AKT2: variants seen among roughly 807,000 people sequenced by gnomAD.
AKT2 encodes RAC-beta serine/threonine-protein kinase.
In AKT2, 16 loss-of-function variants were observed where a neutral mutation model predicts 58.6. The observed-to-expected ratio is 0.27, with a 90% confidence interval of 0.18 to 0.41. The LOEUF (loss-of-function observed/expected upper bound fraction) is 0.41, where lower values mean the gene tolerates loss of function less well. Ranked by LOEUF, AKT2 falls within the 10% of genes least tolerant of loss-of-function variation. The pLI, the probability that AKT2 is intolerant of heterozygous loss-of-function variation, is 1.00. For synonymous variants in AKT2, 253 were observed against 254.0 expected (o/e 1.00, Z 0.04); for missense variants, 438 against 661.0 (o/e 0.66, Z 3.70).
chr19:40,254,839 A>C (rs977303240), intron 4 of AKT2, among the ~76,000 whole-genome samples: 1 of 139,024 alleles, frequency 7.2e-6, no homozygotes, highest in South Asian at 2.2e-4. Flanking sequence ...TCCATTTCAG[A>C]AAAAAAAAAA....
At chr19:40,277,746 C>T (rs1477530523) in intron 1 of AKT2, among the ~76,000 whole-genome samples, 1 of 152,224 alleles carries the variant, frequency 6.6e-6, no homozygotes, top group African/African-American at 2.4e-5. Context: ...CCACCCAGTC[C>T]AGCTAGATCT....
Position 40,233,893 on chromosome 19 carries a change from G to A in AKT2, c.1425C>T (p.Tyr475=), listed in dbSNP as rs1400058582. The A allele has an allele frequency of 6.2e-7, 1 of 1,611,860 alleles. No homozygotes were observed. Among genetic ancestry groups the A allele is most frequent in the Non-Finnish European group, 8.5e-7 (1 of 1,179,934 alleles). ...DQRTHFPQFS[Y]SASIRE is the part of the protein sequence containing the mutation. ...CTGCTCACTCGCGGATGCTGGCCGAGTAGGAGAACTGGGGGAAGTGGGTCC... is the reference window on the plus strand; with the variant it reads ...CTGCTCACTCGCGGATGCTGGCCGAATAGGAGAACTGGGGGAAGTGGGTCC... Residue 475 remains tyrosine (Y), a synonymous_variant, in exon 14 of 14, where the codon TAC becomes TAT. Coordinates refer to ENST00000392038, the MANE Select transcript of AKT2 (RefSeq NM_001626.6). The surrounding 1 kb of genome is among the most constrained non-coding windows in gnomAD (Gnocchi z 4.3).
At chr19:40,254,178 TG>T (rs67885002) in intron 4 of AKT2, among the ~76,000 whole-genome samples, 55,449 of 151,846 alleles carry the variant, frequency 0.37, 12,415 homozygotes, top group South Asian at 0.59. Flanking sequence ...ATTACTAAAT[TG>T]ATCTTTTTAA....
intron 4 of AKT2, among the ~76,000 whole-genome samples, chr19:40,253,632 C>T (rs1019969853): frequency 3.9e-5 from 6 of 152,158 alleles, no homozygotes; most frequent in African/African-American, 1.2e-4. Flanking sequence ...TCTCAGACAT[C>T]GCCTAATAGA....
In AKT2 at chr19:40,231,356, C is replaced by CTT. The variant is rs1440699838; in HGVS notation, c.*2514_*2515dup. On this transcript the variant is annotated 3_prime_UTR_variant, in exon 14 of 14. Coordinates refer to ENST00000392038, the MANE Select transcript of AKT2 (RefSeq NM_001626.6). ...GGGACGAGATGGAAGAGTAAAAGGCCTTTCTTCATAGGCCTGCCTATTTTA... is the reference window on the plus strand; with the variant it reads ...GGGACGAGATGGAAGAGTAAAAGGCCTTTTTCTTCATAGGCCTGCCTATTTTA... 8.6e-6 allele frequency: 2 copies of CTT among 232,954 alleles called. No individual in the cohort carries two copies. Among genetic ancestry groups the CTT allele is most frequent in the Non-Finnish European group, 8.5e-6 (1 of 117,930 alleles). The allele number at this position is 232,954 out of a possible 1,614,324, so 14.4% of individuals were successfully genotyped here.
At position 40,236,403 on chromosome 19, in the gene AKT2, G is replaced by A. The variant is rs781040542; in HGVS notation, c.832-18C>T. On this transcript the variant is annotated intron_variant, in intron 9 of 13. Coordinates refer to ENST00000392038, the MANE Select transcript of AKT2 (RefSeq NM_001626.6). ...TTTTCCAGCTGTTGGAAAAGTCAAC[G>A]GATCTCAGGTGCATGCTCCCAAGGC... is the stretch of plus-strand genomic sequence containing the variant. 20 of 1,613,998 alleles carry A rather than the reference G, an allele frequency of 1.2e-5. No homozygotes were observed. The highest frequency in any genetic ancestry group is 2.2e-5 in the East Asian group (1 of 44,872).
intron 4 of AKT2, among the ~76,000 whole-genome samples, chr19:40,250,138 C>A (rs537977029): frequency 5.3e-5 from 8 of 152,288 alleles, no homozygotes; most frequent in African/African-American, 1.9e-4. Flanking sequence ...GGACACAGCA[C>A]GGACCTTGGA....
chr19:40,259,351 G>T (rs1045489223), intron 2 of AKT2, among the ~76,000 whole-genome samples: 3 of 152,084 alleles, frequency 2.0e-5, no homozygotes, highest in Non-Finnish European at 2.9e-5. Flanking sequence ...AAGAAACTGA[G>T]GCAACTGGAT....
intron 4 of AKT2, among the ~76,000 whole-genome samples, chr19:40,249,380 T>A (rs529952318): frequency 1.3e-5 from 2 of 152,154 alleles, no homozygotes; most frequent in African/African-American, 4.8e-5. Flanking sequence ...AGTGCCTTCA[T>A]GTTTACTTCC....
chr19:40,260,885 C>T (rs534269979), intron 2 of AKT2, among the ~76,000 whole-genome samples: 22 of 152,174 alleles, frequency 1.4e-4, no homozygotes, highest in African/African-American at 4.8e-4. Flanking sequence ...GAGGTTGAGG[C>T]TGCAGTGAGC....
At chr19:40,258,602 G>C (rs1162148829) in intron 2 of AKT2, among the ~76,000 whole-genome samples, 1 of 150,462 alleles carries the variant, frequency 6.6e-6, no homozygotes, top group South Asian at 2.1e-4. Context: ...AGAAATTGAA[G>C]CTATGATGGT....
chr19:40,271,568 A>G (rs2077217686), intron 1 of AKT2, among the ~76,000 whole-genome samples: 1 of 152,170 alleles, frequency 6.6e-6, no homozygotes, highest in Admixed American at 6.5e-5. Context: ...GCCACCAGCC[A>G]TTCACCACTC....
intron 1 of AKT2, chr19:40,268,485 C>G (rs184152900): frequency 1.0e-4 from 16 of 152,438 alleles, no homozygotes; most frequent in African/African-American, 3.8e-4. Flanking sequence ...GGTGCCGGCG[C>G]TCCCATGGAG....
chr19:40,242,971 A>AC lies in AKT2; in HGVS notation c.288-285dup, dbSNP rs1393025798. ...AGACCAGCCTGGCCAACATGGTGAAACCCCGTCTCTACTAAAAATACAAAA... is the reference window on the plus strand; with the variant it reads ...AGACCAGCCTGGCCAACATGGTGAAACCCCCGTCTCTACTAAAAATACAAAA... On this transcript the variant is annotated intron_variant, in intron 4 of 13. Coordinates refer to ENST00000392038, the MANE Select transcript of AKT2 (RefSeq NM_001626.6). This position sits in a 1 kb window ranked among gnomAD's most constrained non-coding sequence, Gnocchi z 4.3. 2.5e-6 allele frequency: 1 copy of AC among 406,920 alleles called. No homozygotes were observed. 25.2% of individuals were successfully genotyped at this position (406,920 alleles called of 1,614,324 possible).
Position 40,255,193 on chromosome 19 carries a change from G to A in AKT2, c.252C>T (p.Ile84=), listed in dbSNP as rs868782526. Reference sequence around the variant, plus strand: ...GAGAATCCACGTGGAAGGTCCTCTCGATGACTGTGGTCCACTGCAGGCAGC... The same window carrying A: ...GAGAATCCACGTGGAAGGTCCTCTCAATGACTGTGGTCCACTGCAGGCAGC... ...VIRCLQWTTV[I]ERTFHVDSPD... is the part of the protein sequence containing the mutation. Residue 84 remains isoleucine (I), a synonymous_variant, in exon 4 of 14, where the codon ATC becomes ATT. Coordinates refer to ENST00000392038, the MANE Select transcript of AKT2 (RefSeq NM_001626.6). 13 of 1,613,982 alleles carry A rather than the reference G, an allele frequency of 8.1e-6. No individual in the cohort carries two copies. Among genetic ancestry groups the A allele is most frequent in the South Asian group, 2.2e-5 (2 of 91,080 alleles).
rs1974493274 is a variant in AKT2, at chr19:40,242,730, G to A, written c.288-43C>T. 2 of 1,603,878 alleles carry A rather than the reference G, an allele frequency of 1.2e-6. No individual in the cohort carries two copies. Among genetic ancestry groups the A allele is most frequent in the African/African-American group, 1.3e-5 (1 of 74,838 alleles). On this transcript the variant is annotated intron_variant, in intron 4 of 13. Coordinates refer to ENST00000392038, the MANE Select transcript of AKT2 (RefSeq NM_001626.6). The surrounding 1 kb of genome is among the most constrained non-coding windows in gnomAD (Gnocchi z 4.3). ...TGAGTCCCAGCAGCCAGGAGTCCTG[G>A]GCCTCAGAGTCGAACAGCTGAGTGC...
chr19:40,279,121 T>C (rs529048867), intron 1 of AKT2: 1 of 152,348 alleles, frequency 6.6e-6, no homozygotes, highest in Non-Finnish European at 1.5e-5. Flanking sequence ...AGAAACAACA[T>C]CTGCGAACGA....
chr19:40,277,229 T>C (rs1210186279), intron 1 of AKT2, among the ~76,000 whole-genome samples: 1 of 152,154 alleles, frequency 6.6e-6, no homozygotes, highest in Admixed American at 6.5e-5. Context: ...CTGTCACTAC[T>C]TGGTTCTAAA....
chr19:40,285,083 C>G (rs931677379), intron 1 of AKT2, 98 bp downstream of exon 1: 1 of 388,432 alleles, frequency 2.6e-6, no homozygotes, highest in Non-Finnish European at 4.6e-6. Flanking sequence ...GCGGTCCCCC[C>G]GCCGGGCACG....
Sources: gnomAD v4.1 joint callset for allele counts (sites outside exome capture counted in the v4.1 genomes callset) on GRCh38, gnomAD v4.1.1 for gene constraint, Gnocchi (gnomAD v3.1) non-coding constraint, MANE v1.5 for transcripts, NCBI Gene and HGNC (gene_info 2026-07-23, HGNC 2026-07-21) for gene names.